SAMMSON: variants seen among roughly 807,000 people sequenced by gnomAD.
The protein encoded by SAMMSON is survival associated mitochondrial melanoma specific oncogenic non-coding RNA.
intron 4 of SAMMSON, among the ~76,000 whole-genome samples, chr3:70,116,477 AC>A (rs1165993922): frequency 2.0e-5 from 3 of 151,910 alleles, no homozygotes; most frequent in East Asian, 1.9e-4. Flanking sequence ...AACACGAGAG[AC>A]TTTTTCCTAC....
chr3:70,392,013 G>A (rs1701052887), downstream of SAMMSON, among the ~76,000 whole-genome samples: 1 of 152,114 alleles, frequency 6.6e-6, no homozygotes, highest in Non-Finnish European at 1.5e-5. Flanking sequence ...AAGCCCATCT[G>A]CTCACAAATG....
intron 1 of SAMMSON, among the ~76,000 whole-genome samples, chr3:70,008,290 C>A (rs559368360): frequency 4.1e-4 from 62 of 152,212 alleles, no homozygotes; most frequent in African/African-American, 1.2e-3. Flanking sequence ...ATGGAATGTT[C>A]GTCCATTTGT....
chr3:70,338,181 T>A (rs1702681365), intron 7 of SAMMSON, among the ~76,000 whole-genome samples: 1 of 152,024 alleles, frequency 6.6e-6, no homozygotes, highest in Non-Finnish European at 1.5e-5. Flanking sequence ...AATGTTTACT[T>A]GTGATTTGAG....
chr3:70,364,500 C>G (rs1702903845), intron 9 of SAMMSON, among the ~76,000 whole-genome samples: 1 of 151,834 alleles, frequency 6.6e-6, no homozygotes, highest in Non-Finnish European at 1.5e-5. Context: ...TAACAAGCGG[C>G]TTGAACTTTT....
chr3:70,020,646 C>A (rs913936412), intron 3 of SAMMSON, among the ~76,000 whole-genome samples: 1 of 152,088 alleles, frequency 6.6e-6, no homozygotes, highest in South Asian at 2.1e-4. Context: ...GCCTTCTAAT[C>A]ATCTGATTGA....
chr3:70,127,538 A>T (rs950749431), intron 4 of SAMMSON: 9 of 152,132 alleles, frequency 5.9e-5, no homozygotes, highest in African/African-American at 1.9e-4. Flanking sequence ...GTCTTCGAAA[A>T]ATTTATTTTT....
chr3:70,019,681 C>T (rs1201361104), intron 3 of SAMMSON, among the ~76,000 whole-genome samples: 7 of 152,090 alleles, frequency 4.6e-5, no homozygotes, highest in Admixed American at 6.6e-5. Context: ...CTAGCATCGA[C>T]GGTCTTTACA....
intron 1 of SAMMSON, among the ~76,000 whole-genome samples, chr3:70,012,113 A>T (rs1387654944): frequency 2.6e-5 from 4 of 152,090 alleles, no homozygotes; most frequent in Non-Finnish European, 5.9e-5. Flanking sequence ...TGGAGGAAAG[A>T]GATGTGACTC....
At chr3:70,090,966 G>A (rs1276734620) in intron 4 of SAMMSON, among the ~76,000 whole-genome samples, 2 of 152,106 alleles carry the variant, frequency 1.3e-5, no homozygotes, top group Non-Finnish European at 2.9e-5. Context: ...CAGGATCAAT[G>A]TATATGTTAA....
intron 4 of SAMMSON, among the ~76,000 whole-genome samples, chr3:70,185,712 G>T (rs1026043131): frequency 6.6e-6 from 1 of 150,740 alleles, no homozygotes; most frequent in Non-Finnish European, 1.5e-5. Flanking sequence ...AAGAGGTTGT[G>T]CCAGCCAGGT....
chr3:70,220,579 G>A (rs1273456576), intron 4 of SAMMSON, among the ~76,000 whole-genome samples: 1 of 152,128 alleles, frequency 6.6e-6, no homozygotes, highest in Non-Finnish European at 1.5e-5. Flanking sequence ...ACTAACCCTG[G>A]TTGGAAACAT....
At chr3:70,296,307 G>C (rs1465322136) in intron 7 of SAMMSON, among the ~76,000 whole-genome samples, 1 of 151,984 alleles carries the variant, frequency 6.6e-6, no homozygotes, top group Admixed American at 6.6e-5. Flanking sequence ...TTCCAAATCA[G>C]TTTATTGTCT....
intron 9 of SAMMSON, among the ~76,000 whole-genome samples, chr3:70,389,207 T>TTTA (rs1410402905): frequency 1.3e-5 from 2 of 152,126 alleles, no homozygotes; most frequent in Non-Finnish European, 2.9e-5. Context: ...ACCTCTTTCC[T>TTTA]TTATAAACTA....
At chr3:70,153,401 CAG>C (rs2067579510) in intron 4 of SAMMSON, among the ~76,000 whole-genome samples, 1 of 152,044 alleles carries the variant, frequency 6.6e-6, no homozygotes, top group East Asian at 1.9e-4. Flanking sequence ...CTGCAAGTCA[CAG>C]AGCATTCTCT....
At chr3:70,093,413 T>C (rs2067312508) in intron 4 of SAMMSON, among the ~76,000 whole-genome samples, 1 of 152,200 alleles carries the variant, frequency 6.6e-6, no homozygotes, top group Admixed American at 6.5e-5. Context: ...GATACTATCT[T>C]AGATTGTCAA....
At chr3:70,292,352 T>G (rs1448322693) in intron 7 of SAMMSON, among the ~76,000 whole-genome samples, 2 of 152,162 alleles carry the variant, frequency 1.3e-5, no homozygotes, top group African/African-American at 2.4e-5. Flanking sequence ...ACTATACATA[T>G]CTTGTTGGCC....
chr3:70,064,080 G>A (rs1407231763), intron 3 of SAMMSON, among the ~76,000 whole-genome samples: 1 of 152,120 alleles, frequency 6.6e-6, no homozygotes, highest in East Asian at 1.9e-4. Flanking sequence ...CTGGAACCAT[G>A]TCTTACCCTT....
chr3:70,149,363 A>G (rs73108069), intron 4 of SAMMSON, among the ~76,000 whole-genome samples: 11,072 of 152,138 alleles, frequency 0.073, 549 homozygotes, highest in Non-Finnish European at 0.11. Flanking sequence ...ACCTGCTTCT[A>G]CAGTTAGTAG....
At chr3:70,397,186 C>G (rs551841448) in intron 2 of SAMMSON, among the ~76,000 whole-genome samples, 2 of 152,234 alleles carry the variant, frequency 1.3e-5, no homozygotes, top group East Asian at 1.9e-4. Context: ...TTCTCAGCTT[C>G]CTTTTCATAT....
Sources: gnomAD v4.1 joint callset for allele counts (sites outside exome capture counted in the v4.1 genomes callset) on GRCh38, gnomAD v4.1.1 for gene constraint, MANE v1.5 for transcripts, NCBI Gene and HGNC (gene_info 2026-07-23, HGNC 2026-07-21) for gene names.